SPNS2: variants seen among roughly 807,000 people sequenced by gnomAD.
SPNS2 encodes SPNS lysolipid transporter 2, sphingosine-1-phosphate, also known as sphingosine-1-phosphate transporter SPNS2.
SPNS2 carries 37 observed loss-of-function variants against 57.6 expected under a neutral mutation model. That is an observed-to-expected ratio of 0.64 (90% CI 0.49 to 0.85). SPNS2 has a LOEUF of 0.85. SPNS2 is among the 40% of genes least tolerant of loss of function. The pLI, the probability that SPNS2 is intolerant of heterozygous loss-of-function variation, is 0.00. For synonymous variants in SPNS2, 440 were observed against 346.9 expected (o/e 1.27, Z -2.98); for missense variants, 831 against 779.1 (o/e 1.07, Z -0.79).
intron 2 of SPNS2, among the ~76,000 whole-genome samples, chr17:4,513,589 C>G (rs1482581961): frequency 6.6e-6 from 1 of 152,220 alleles, no homozygotes; most frequent in Non-Finnish European, 1.5e-5. Context: ...GGTGAACTTT[C>G]TCTGGGTCCT....
At chr17:4,525,308 AC>A in intron 3 of SPNS2, 115 bp downstream of exon 3, 1 of 1,404,754 alleles carries the variant, frequency 7.1e-7, no homozygotes, top group African/African-American at 1.4e-5. Flanking sequence ...CTTTGCTTGA[AC>A]CCCACTGTCT....
intron 1 of SPNS2, among the ~76,000 whole-genome samples, chr17:4,507,757 G>A (rs1904720069): frequency 6.6e-6 from 1 of 152,242 alleles, no homozygotes; most frequent in South Asian, 2.1e-4. Flanking sequence ...GGGAAAGCAG[G>A]GGGTACGCGG....
rs757131346 is a variant in SPNS2 at position 4,533,052 on chromosome 17, G to C, written c.1011G>C (p.Pro337=). ...FATGALGMWI[P]LYLHRAQVVQ... is the part of the protein sequence containing the mutation. ...CGGGGGCCCTGGGCATGTGGATCCC[G>C]CTCTACCTGCACCGCGCCCAAGTTG... Residue 337 remains proline, a synonymous_variant, in exon 7 of 13, where the codon CCG becomes CCC. Coordinates refer to ENST00000329078, the MANE Select transcript of SPNS2 (RefSeq NM_001124758.3). 2.5e-6 allele frequency: 4 copies of C among 1,613,314 alleles called. No homozygotes were observed. In the East Asian group the frequency reaches 8.9e-5, roughly 36 times the overall value.
chr17:4,505,430 A>G (rs1904647051), intron 1 of SPNS2, among the ~76,000 whole-genome samples: 1 of 152,132 alleles, frequency 6.6e-6, no homozygotes. Flanking sequence ...CAGGGCTCAC[A>G]ATGAGCCTCA....
rs1400000903 is a variant in SPNS2 at position 4,537,660 on chromosome 17, C to T, written c.*212C>T. On this transcript the variant is annotated 3_prime_UTR_variant, in exon 13 of 13. Transcript: ENST00000329078. ...TGGAAGGATGTGTGTGTTGGAGCCA[C>T]ACGGTTGGACAGGTTCCCAGCCCTA... 2.2e-6 allele frequency: 1 copy of T among 456,780 alleles called. No homozygotes were observed. The highest frequency in any genetic ancestry group is 4.4e-6 in the Non-Finnish European group (1 of 226,968). 28.3% of individuals were successfully genotyped at this position (456,780 alleles called of 1,614,324 possible).
Position 4,536,920 on chromosome 17 carries a change from C to G in SPNS2, c.1628C>G (p.Pro543Arg). ...AEQQVNQLAM[P>R]PASVKV Reference sequence around the variant, plus strand: ...CCCAGGGTGAACCAGCTGGCGATGCCGCCCGCATCTGTGAAAGTCTGAGGT... The same window carrying G: ...CCCAGGGTGAACCAGCTGGCGATGCGGCCCGCATCTGTGAAAGTCTGAGGT... Residue 543 changes from proline (P) to arginine (R), a missense_variant, in exon 12 of 13, where the codon CCG becomes CGG. By Grantham distance (103) the Pro-to-Arg change is moderately radical. Transcript: ENST00000329078. 1 of 1,613,720 alleles carries G rather than the reference C, an allele frequency of 6.2e-7. No homozygotes were observed. Among genetic ancestry groups the G allele is most frequent in the Non-Finnish European group, 8.5e-7 (1 of 1,179,860 alleles).
At chr17:4,533,671 C>T (rs1421070713) in intron 8 of SPNS2, 117 bp from the exon 9 acceptor site, 58 of 1,223,496 alleles carry the variant, frequency 4.7e-5, no homozygotes, top group East Asian at 1.2e-4. Flanking sequence ...GATGTGGGCC[C>T]GGGAGGGGTG....
At chr17:4,536,822 G>C (rs766204844) in intron 11 of SPNS2, 78 bp from the exon 12 acceptor site, 3 of 1,250,872 alleles carry the variant, frequency 2.4e-6, no homozygotes, top group Non-Finnish European at 1.2e-6. Flanking sequence ...TGGCCCCCAC[G>C]ACACGATGTG....
chr17:4,536,058 T>C lies in SPNS2; in HGVS notation c.1345-18T>C, dbSNP rs905291984. 1 of 1,605,614 alleles carries C rather than the reference T, an allele frequency of 6.2e-7. No individual in the cohort carries two copies. Among genetic ancestry groups the C allele is most frequent in the Non-Finnish European group, 8.5e-7 (1 of 1,177,294 alleles). On this transcript the variant is annotated intron_variant, in intron 9 of 12. Coordinates refer to ENST00000329078, the MANE Select transcript of SPNS2 (RefSeq NM_001124758.3). ...AGCCTTTCTCCTCTGGCCGCTGACCTGCCCGCCTGTTCCGCAGTACGTGGT... is the reference window on the plus strand; with the variant it reads ...AGCCTTTCTCCTCTGGCCGCTGACCCGCCCGCCTGTTCCGCAGTACGTGGT...
intron 1 of SPNS2, among the ~76,000 whole-genome samples, chr17:4,505,366 G>A (rs1904644843): frequency 6.6e-6 from 1 of 152,214 alleles, no homozygotes. Flanking sequence ...CCAGGCCCCT[G>A]TGCTGACATC....
chr17:4,505,466 G>A (rs1470761341), intron 1 of SPNS2, among the ~76,000 whole-genome samples: 1 of 152,222 alleles, frequency 6.6e-6, no homozygotes, highest in African/African-American at 2.4e-5. Flanking sequence ...GGAAGGAAAT[G>A]GGAGGATGTA....
At chr17:4,526,470 G>T (rs989934893) in intron 3 of SPNS2, among the ~76,000 whole-genome samples, 1 of 152,132 alleles carries the variant, frequency 6.6e-6, no homozygotes, top group African/African-American at 2.4e-5. Context: ...AGGCATGGTG[G>T]TGCATGCCTA....
chr17:4,505,356 C>T (rs1904644520), intron 1 of SPNS2, among the ~76,000 whole-genome samples: 1 of 152,182 alleles, frequency 6.6e-6, no homozygotes, highest in South Asian at 2.1e-4. Context: ...AGGTGAAGGG[C>T]CAGGCCCCTG....
rs756931389 is a variant in SPNS2, at chr17:4,510,753, C to T, written c.371-2494C>T. Among the ~76,000 whole-genome samples the T allele has an allele frequency of 7.2e-5, 11 of 152,172 alleles. No homozygotes were observed. Among genetic ancestry groups the T allele is most frequent in the Non-Finnish European group, 1.0e-4 (7 of 68,032 alleles). On this transcript the variant is annotated intron_variant, in intron 1 of 12. Transcript: ENST00000329078. This position sits in a 1 kb window ranked among gnomAD's most constrained non-coding sequence, Gnocchi z 4.4. ...TCTGAGTCCTGGAGATGACCGGCCACGGCTCCTGCCTGGCTTGTGGTCTAG... is the reference window on the plus strand; with the variant it reads ...TCTGAGTCCTGGAGATGACCGGCCATGGCTCCTGCCTGGCTTGTGGTCTAG...
At chr17:4,515,153 G>A (rs1204172388) in intron 2 of SPNS2, among the ~76,000 whole-genome samples, 1 of 152,142 alleles carries the variant, frequency 6.6e-6, no homozygotes, top group Non-Finnish European at 1.5e-5. Context: ...CTGCGGTTCT[G>A]TCCCAGGCTG....
In SPNS2 at chr17:4,538,807, G is replaced by A. The variant is rs887473426; in HGVS notation, c.*1359G>A. ...CGAGGGCCTGACAAGAGGATGGGGTGGGGGTGGCATCCTCCAAAGACCAGC... is the reference window on the plus strand; with the variant it reads ...CGAGGGCCTGACAAGAGGATGGGGTAGGGGTGGCATCCTCCAAAGACCAGC... On this transcript the variant is annotated 3_prime_UTR_variant, in exon 13 of 13. Transcript: ENST00000329078. The A allele has an allele frequency of 2.6e-6, 2 of 765,122 alleles. No homozygotes were observed. The highest frequency in any genetic ancestry group is 2.7e-5 in the South Asian group (2 of 72,874). 47.4% of individuals were successfully genotyped at this position (765,122 alleles called of 1,614,324 possible). A position where few individuals can be genotyped will look rare whatever the true frequency, so the allele number is the denominator to read the frequency against.
At position 4,538,338 on chromosome 17, in the gene SPNS2, C is replaced by T. The variant is rs1464458566; in HGVS notation, c.*890C>T. 1 of 182,108 alleles carries T rather than the reference C, an allele frequency of 5.5e-6. No homozygotes were observed. The highest frequency in any genetic ancestry group is 2.4e-5 in the African/African-American group (1 of 41,796). The allele number at this position is 182,108 out of a possible 1,614,324, so 11.3% of individuals were successfully genotyped here. On this transcript the variant is annotated 3_prime_UTR_variant, in exon 13 of 13. Transcript: ENST00000329078. Reference sequence around the variant, plus strand: ...GAGACCATTCCCAGAATCCATGGGGCAGTAGCCAGGGCTCCGGCTGCTGGA... The same window carrying T: ...GAGACCATTCCCAGAATCCATGGGGTAGTAGCCAGGGCTCCGGCTGCTGGA...
rs369939281 is a variant in SPNS2, at chr17:4,536,943, G to A, written c.*1G>A. ...GCCGCCCGCATCTGTGAAAGTCTGA[G>A]GTGGTGAGTGCAGGCCGGGAGGCAC... On this transcript the variant is annotated 3_prime_UTR_variant, in exon 12 of 13. Coordinates refer to ENST00000329078, the MANE Select transcript of SPNS2 (RefSeq NM_001124758.3). The A allele has an allele frequency of 2.1e-5, 34 of 1,613,632 alleles. No homozygotes were observed. The African/African-American group carries it at 4.4e-4, about 21-fold the overall frequency.
At chr17:4,514,500 C>T (rs1369550469) in intron 2 of SPNS2, among the ~76,000 whole-genome samples, 2 of 152,224 alleles carry the variant, frequency 1.3e-5, no homozygotes, top group African/African-American at 4.8e-5. Flanking sequence ...TCCTAGCTGT[C>T]CTTACAGCCC....
Sources: allele counts gnomAD v4.1 joint callset (sites outside exome capture counted in the v4.1 genomes callset), GRCh38; gene constraint gnomAD v4.1.1; non-coding constraint Gnocchi (gnomAD v3.1); transcripts MANE v1.5; gene names NCBI Gene and HGNC (gene_info 2026-07-23, HGNC 2026-07-21).